The following NMNAT2 variants were observed in gnomAD, a reference collection of about 807,000 sequenced individuals.
NMNAT2 encodes nicotinamide/nicotinic acid mononucleotide adenylyltransferase 2.
A neutral mutation model predicts 41.6 loss-of-function variants in NMNAT2; 11 were observed. That is an observed-to-expected ratio of 0.26 (90% CI 0.17 to 0.44). The LOEUF (loss-of-function observed/expected upper bound fraction) is 0.44, where lower values mean the gene tolerates loss of function less well. Ranked by LOEUF, NMNAT2 falls within the 20% of genes least tolerant of loss-of-function variation. NMNAT2 has a pLI of 1.00. For synonymous variants in NMNAT2, 148 were observed against 151.2 expected (o/e 0.98, Z 0.16); for missense variants, 288 against 407.7 (o/e 0.71, Z 2.53).
At position 183,283,940 on chromosome 1, in the gene NMNAT2, G is replaced by A. The variant is rs781602960; in HGVS notation, c.574+55C>T. On this transcript the variant is annotated intron_variant, in intron 7 of 10. Transcript: ENST00000287713. ...CTCTGCTCCCCATGTTGCCTGTCGTGAAGGCAGGGAGCTCCAAATGTCCCC... is the reference window on the plus strand; with the variant it reads ...CTCTGCTCCCCATGTTGCCTGTCGTAAAGGCAGGGAGCTCCAAATGTCCCC... 4 of 1,562,722 alleles carry A rather than the reference G, an allele frequency of 2.6e-6. No homozygotes were observed. The East Asian group carries it at 6.7e-5, about 26-fold the overall frequency.
intron 1 of NMNAT2, among the ~76,000 whole-genome samples, chr1:183,329,718 C>A (rs1343426832): frequency 6.6e-6 from 1 of 152,172 alleles, no homozygotes; most frequent in Non-Finnish European, 1.5e-5. Flanking sequence ...TTCTTGATAA[C>A]CCCCAAGGTG....
At chr1:183,312,808 C>T (rs554287639) in intron 1 of NMNAT2, among the ~76,000 whole-genome samples, 10 of 152,306 alleles carry the variant, frequency 6.6e-5, no homozygotes, top group African/African-American at 2.4e-4. Context: ...CAGTATCCCT[C>T]TCAGGGGTTG....
chr1:183,332,012 A>T (rs1434604548), intron 1 of NMNAT2, among the ~76,000 whole-genome samples: 1 of 151,500 alleles, frequency 6.6e-6, no homozygotes, highest in Non-Finnish European at 1.5e-5. Flanking sequence ...CGAACTCCTG[A>T]CCTCACGTGA....
intron 10 of NMNAT2, among the ~76,000 whole-genome samples, chr1:183,260,540 G>A (rs992098685): frequency 8.5e-4 from 129 of 152,230 alleles, no homozygotes; most frequent in Middle Eastern, 3.4e-3. Flanking sequence ...GGCTGGGGCC[G>A]GGCACAGTGG....
intron 1 of NMNAT2, among the ~76,000 whole-genome samples, chr1:183,415,065 T>A (rs1305401797): frequency 6.6e-6 from 1 of 152,190 alleles, no homozygotes; most frequent in Non-Finnish European, 1.5e-5. Flanking sequence ...AACCTCTGCC[T>A]CCCAGGCTTC....
At chr1:183,346,355 T>G (rs555249732) in intron 1 of NMNAT2, among the ~76,000 whole-genome samples, 1 of 152,300 alleles carries the variant, frequency 6.6e-6, no homozygotes, top group African/African-American at 2.4e-5. Context: ...ATAACCAACA[T>G]GTTGTCATCC....
intron 1 of NMNAT2, among the ~76,000 whole-genome samples, chr1:183,348,469 T>C (rs1186322064): frequency 6.6e-6 from 1 of 152,224 alleles, no homozygotes; most frequent in Non-Finnish European, 1.5e-5. Context: ...AATATTAGAT[T>C]CACCAAAATA....
intron 1 of NMNAT2, among the ~76,000 whole-genome samples, chr1:183,301,768 T>G (rs1661858917): frequency 6.6e-6 from 1 of 152,214 alleles, no homozygotes; most frequent in South Asian, 2.1e-4. Context: ...TAATAAAAAT[T>G]CATGAGACAC....
At chr1:183,258,926 C>T (rs1660589453) in intron 10 of NMNAT2, among the ~76,000 whole-genome samples, 1 of 152,214 alleles carries the variant, frequency 6.6e-6, no homozygotes. Context: ...CCGAAATGCT[C>T]AGGGAGACTG....
intron 1 of NMNAT2, among the ~76,000 whole-genome samples, chr1:183,311,722 T>TAC (rs61005402): frequency 0.016 from 2,281 of 144,240 alleles, 21 homozygotes; most frequent in Middle Eastern, 0.029. Flanking sequence ...GTCCAGTCCC[T>TAC]ACACACACAC....
intron 1 of NMNAT2, among the ~76,000 whole-genome samples, chr1:183,339,837 C>T (rs932389355): frequency 6.6e-6 from 1 of 152,056 alleles, no homozygotes; most frequent in Non-Finnish European, 1.5e-5. Context: ...AATGAGAGGT[C>T]CTGAAGGAGC....
rs1460444435 is a variant in NMNAT2 at position 183,252,593 on chromosome 1, G to A, written c.*48C>T. On this transcript the variant is annotated 3_prime_UTR_variant, in exon 11 of 11. Transcript: ENST00000287713. ...CAGAGAGGCAGGAGAGAAACAGGGG[G>A]CTGACAAAGATGGAGGGGCCATTGT... The A allele has an allele frequency of 2.4e-6, 3 of 1,256,050 alleles. No individual in the cohort carries two copies. The highest frequency in any genetic ancestry group is 3.5e-6 in the Non-Finnish European group (3 of 852,622). The allele number at this position is 1,256,050 out of a possible 1,614,324, so 77.8% of individuals were successfully genotyped here.
chr1:183,309,223 C>T (rs1250732894), intron 1 of NMNAT2, among the ~76,000 whole-genome samples: 1 of 152,168 alleles, frequency 6.6e-6, no homozygotes, highest in Non-Finnish European at 1.5e-5. Context: ...TGGTCTCAAA[C>T]TCCTGGCCTC....
chr1:183,346,363 T>C (rs1187795955), intron 1 of NMNAT2, among the ~76,000 whole-genome samples: 1 of 152,158 alleles, frequency 6.6e-6, no homozygotes, highest in Non-Finnish European at 1.5e-5. Context: ...CATGTTGTCA[T>C]CCCCAGTGAC....
At chr1:183,410,178 C>T (rs950650172) in intron 1 of NMNAT2, among the ~76,000 whole-genome samples, 1 of 149,400 alleles carries the variant, frequency 6.7e-6, no homozygotes, top group Non-Finnish European at 1.5e-5. Flanking sequence ...AAAAAAATAG[C>T]CGGGCATGAT....
intron 1 of NMNAT2, among the ~76,000 whole-genome samples, chr1:183,375,956 C>A (rs972391222): frequency 6.6e-6 from 1 of 152,150 alleles, no homozygotes; most frequent in Non-Finnish European, 1.5e-5. Flanking sequence ...GTATCTTTTT[C>A]ATCTCCCACC....
At chr1:183,277,647 C>G (rs1661155502) in intron 8 of NMNAT2, among the ~76,000 whole-genome samples, 1 of 151,984 alleles carries the variant, frequency 6.6e-6, no homozygotes. Flanking sequence ...TCCAGAGACA[C>G]ATAAATGTAC....
chr1:183,388,091 C>A (rs897221647), intron 1 of NMNAT2, among the ~76,000 whole-genome samples: 1 of 152,196 alleles, frequency 6.6e-6, no homozygotes, highest in Admixed American at 6.5e-5. Context: ...ATGATATCTG[C>A]AGTTTAATAG....
At chr1:183,311,410 C>G (rs1430431140) in intron 1 of NMNAT2, among the ~76,000 whole-genome samples, 1 of 152,088 alleles carries the variant, frequency 6.6e-6, no homozygotes, top group Non-Finnish European at 1.5e-5. Context: ...AGCAGTCTTT[C>G]ATTTTCTAGA....
Sources: gnomAD v4.1 joint callset for allele counts (sites outside exome capture counted in the v4.1 genomes callset) on GRCh38, gnomAD v4.1.1 for gene constraint, MANE v1.5 for transcripts, NCBI Gene and HGNC (gene_info 2026-07-23, HGNC 2026-07-21) for gene names.